The following SHISAL2A variants were observed in gnomAD, a reference collection of about 807,000 sequenced individuals.
SHISAL2A encodes the protein protein shisa-like-2A.
SHISAL2A carries 18 observed loss-of-function variants against 11.5 expected under a neutral mutation model. The observed-to-expected ratio is 1.57, with a 90% CI of 1.08 to 2.33. The LOEUF is 2.33. Among genes scored for constraint, SHISAL2A ranks in the 30% most tolerant of loss-of-function variants. SHISAL2A has a pLI of 0.00. For synonymous variants in SHISAL2A, 94 were observed against 99.6 expected, an observed-to-expected ratio of 0.94 and a Z score of 0.34; for missense variants, 261 against 250.9, an observed-to-expected ratio of 1.04 and a Z score of -0.27.
chr1:52,648,079 TA>T (rs1691543177), intron 2 of SHISAL2A, among the ~76,000 whole-genome samples: 1 of 147,396 alleles, frequency 6.8e-6, no homozygotes, highest in Admixed American at 6.8e-5. Context: ...ATATATCATA[TA>T]ATTATATATT....
intron 2 of SHISAL2A, among the ~76,000 whole-genome samples, chr1:52,649,518 C>T (rs1312494672): frequency 6.6e-6 from 1 of 152,212 alleles, no homozygotes; most frequent in Non-Finnish European, 1.5e-5. Context: ...GCTTCTTTCC[C>T]TGCCCAGGCA....
In SHISAL2A at chr1:52,650,834, G is replaced by A. The variant is rs532480619; in HGVS notation, c.323-5956G>A. Among the ~76,000 whole-genome samples, 176 of 151,566 alleles carry A rather than the reference G, an allele frequency of 1.2e-3. 1 individual carries two copies. The highest frequency in any genetic ancestry group is 3.4e-3 in the Middle Eastern group (1 of 290). ...TAATTTTTGTATTTTTAATAGAAAC[G>A]GGGTTTCACTGTGTTAGCCAGGCTG... On this transcript the variant is annotated intron_variant, in intron 2 of 2. Coordinates refer to ENST00000517870, the MANE Select transcript of SHISAL2A (RefSeq NM_001042693.3).
intron 2 of SHISAL2A, among the ~76,000 whole-genome samples, chr1:52,646,731 C>T (rs1056314504): frequency 5.3e-5 from 8 of 152,152 alleles, no homozygotes; most frequent in African/African-American, 1.9e-4. Flanking sequence ...TTGCAGCTCT[C>T]ATGGTACAAG....
In SHISAL2A at chr1:52,653,829, G is replaced by T. The variant is rs561869664; in HGVS notation, c.323-2961G>T. On this transcript the variant is annotated intron_variant, in intron 2 of 2. Transcript: ENST00000517870. Reference sequence around the variant, plus strand: ...TCTAGCCTCAACTTCCTGGGCTCAAGTGACCCTCCCACCTCAGCCTCCCAA... The same window carrying T: ...TCTAGCCTCAACTTCCTGGGCTCAATTGACCCTCCCACCTCAGCCTCCCAA... 2.8e-4 allele frequency among the ~76,000 whole-genome samples: 42 copies of T among 152,100 alleles called. No homozygotes were observed. In the South Asian group the frequency reaches 8.7e-3, roughly 32 times the overall value.
intron 1 of SHISAL2A, among the ~76,000 whole-genome samples, chr1:52,634,611 A>G (rs1443909646): frequency 6.6e-6 from 1 of 152,176 alleles, no homozygotes; most frequent in African/African-American, 2.4e-5. Flanking sequence ...ATAGGTCTCA[A>G]TCCCCCTGGG....
chr1:52,658,295 C>T (rs1377013336), downstream of SHISAL2A, among the ~76,000 whole-genome samples: 1 of 152,214 alleles, frequency 6.6e-6, no homozygotes, highest in Non-Finnish European at 1.5e-5. Flanking sequence ...CTGCCTTGGC[C>T]TCCCAAAGTG....
chr1:52,635,734 A>T (rs991353593), intron 1 of SHISAL2A, among the ~76,000 whole-genome samples: 1 of 152,226 alleles, frequency 6.6e-6, no homozygotes, highest in African/African-American at 2.4e-5. Context: ...TGTTAGTTTA[A>T]CAAAGGCAGT....
intron 2 of SHISAL2A, among the ~76,000 whole-genome samples, chr1:52,646,261 A>C (rs775684587): frequency 2.6e-5 from 4 of 152,214 alleles, no homozygotes; most frequent in Admixed American, 2.0e-4. Flanking sequence ...GTACCAGTTG[A>C]GAAACCCTAG....
intron 2 of SHISAL2A, among the ~76,000 whole-genome samples, chr1:52,650,643 CTTTTTT>C (rs35001247): frequency 1.8e-5 from 2 of 108,118 alleles, no homozygotes; most frequent in Admixed American, 1.2e-4. Flanking sequence ...TTTTAAAACC[CTTTTTT>C]TTTTTTTTTT....
At chr1:52,637,628 G>A (rs1558084642) in intron 1 of SHISAL2A, among the ~76,000 whole-genome samples, 1 of 152,218 alleles carries the variant, frequency 6.6e-6, no homozygotes, top group Non-Finnish European at 1.5e-5. Flanking sequence ...TTGCCGGAAG[G>A]CAGAGTTTGT....
chr1:52,656,192 A>T (rs893837799), intron 2 of SHISAL2A, among the ~76,000 whole-genome samples: 1 of 152,230 alleles, frequency 6.6e-6, no homozygotes, highest in Non-Finnish European at 1.5e-5. Flanking sequence ...ATAATGTTAA[A>T]TGTTCCTGAT....
intron 2 of SHISAL2A, among the ~76,000 whole-genome samples, chr1:52,653,801 C>T (rs1691727742): frequency 6.6e-6 from 1 of 151,936 alleles, no homozygotes; most frequent in African/African-American, 2.4e-5. Context: ...TACAATGGCA[C>T]AATCTAGCCT....
chr1:52,669,361 C>T (rs1036807316), exon 6 of SHISAL2A: 5 of 151,872 alleles, frequency 3.3e-5, no homozygotes, highest in South Asian at 2.1e-4. Context: ...TGAGATACAA[C>T]TGAGCTACAG....
chr1:52,657,785 G>A (rs571240954), downstream of SHISAL2A, among the ~76,000 whole-genome samples: 1 of 152,130 alleles, frequency 6.6e-6, no homozygotes, highest in Non-Finnish European at 1.5e-5. Flanking sequence ...AGCCCTGGAG[G>A]TCGAGGCTGC....
chr1:52,642,426 T>A (rs1041374464), intron 1 of SHISAL2A, among the ~76,000 whole-genome samples: 2 of 108,144 alleles, frequency 1.8e-5, no homozygotes, highest in African/African-American at 1.0e-4. Flanking sequence ...AACACAACAC[T>A]AATTTTTTTT....
At chr1:52,656,070 T>TA in intron 2 of SHISAL2A, among the ~76,000 whole-genome samples, 1 of 152,274 alleles carries the variant, frequency 6.6e-6, no homozygotes, top group South Asian at 2.1e-4. Context: ...TACATTTTTT[T>TA]ATCTAGAAAG....
intron 2 of SHISAL2A, among the ~76,000 whole-genome samples, chr1:52,656,130 G>GA (rs1691786434): frequency 6.6e-6 from 1 of 151,810 alleles, no homozygotes; most frequent in Admixed American, 6.6e-5. Flanking sequence ...AAAGAAAAAG[G>GA]AAAAAAGAAT....
At chr1:52,639,097 C>T (rs771137643) in intron 1 of SHISAL2A, among the ~76,000 whole-genome samples, 25 of 151,694 alleles carry the variant, frequency 1.6e-4, no homozygotes, top group Admixed American at 3.3e-4. Flanking sequence ...CACTTGAGCC[C>T]GGAAGGTTGA....
At chr1:52,660,411 A>G (rs1216849737), downstream of SHISAL2A, among the ~76,000 whole-genome samples, 4 of 152,112 alleles carry the variant, frequency 2.6e-5, no homozygotes, top group Non-Finnish European at 2.9e-5. Context: ...TTAGAAACAA[A>G]CTGCCCACCC....
Sources: gnomAD v4.1 joint callset for allele counts (sites outside exome capture counted in the v4.1 genomes callset) on GRCh38, gnomAD v4.1.1 for gene constraint, MANE v1.5 for transcripts, NCBI Gene and HGNC (gene_info 2026-07-23, HGNC 2026-07-21) for gene names.